Variants in FRYL observed in about 807,000 individuals in gnomAD.
FRYL encodes protein furry homolog-like.
In FRYL, 150 loss-of-function variants were observed where a neutral mutation model predicts 351.2. The observed-to-expected ratio is 0.43, with a 90% confidence interval of 0.37 to 0.49. The LOEUF is 0.49. Ranked by LOEUF, FRYL falls within the 20% of genes least tolerant of loss-of-function variation. FRYL has a pLI of 0.00. For missense variants in FRYL, 3,036 were observed against 3,619.3 expected, an observed-to-expected ratio of 0.84 and a Z score of 4.13; for synonymous variants, 1,153 against 1,257.1, an observed-to-expected ratio of 0.92 and a Z score of 1.75.
At chr4:48,519,982 C>T (rs1165829921) in intron 55 of FRYL, among the ~76,000 whole-genome samples, 5 of 152,172 alleles carry the variant, frequency 3.3e-5, no homozygotes, top group African/African-American at 7.2e-5. Context: ...CTGCCCACCT[C>T]GGCCTCCCAA....
intron 43 of FRYL, among the ~76,000 whole-genome samples, chr4:48,544,315 A>G (rs1730874267): frequency 6.6e-6 from 1 of 152,138 alleles, no homozygotes; most frequent in Admixed American, 6.6e-5. Context: ...CCCACCAGAT[A>G]CCAGTAGTAA....
chr4:48,553,938 C>G (rs1230016313), intron 35 of FRYL, among the ~76,000 whole-genome samples: 5 of 152,296 alleles, frequency 3.3e-5, no homozygotes, highest in South Asian at 4.1e-4. Flanking sequence ...TCTCAGTTTT[C>G]TCATCTGCAA....
chr4:48,742,795 G>A (rs551426877), intron 1 of FRYL, among the ~76,000 whole-genome samples: 2 of 151,934 alleles, frequency 1.3e-5, no homozygotes, highest in African/African-American at 4.8e-5. Context: ...CCCTTTTGGA[G>A]GGTAATCTGA....
At chr4:48,606,276 G>C (rs1365564700) in intron 10 of FRYL, among the ~76,000 whole-genome samples, 162 bp downstream of exon 10, 2 of 141,770 alleles carry the variant, frequency 1.4e-5, no homozygotes, top group Non-Finnish European at 3.1e-5. Context: ...CTGTCTCAAG[G>C]AAAAAAAAAA....
In FRYL at chr4:48,634,424, T is replaced by C. The variant is rs1753831575; in HGVS notation, c.-14A>G. The C allele has an allele frequency of 6.2e-7, 1 of 1,613,154 alleles. No homozygotes were observed. Among genetic ancestry groups the C allele is most frequent in the South Asian group, 1.1e-5 (1 of 91,070 alleles). On this transcript the variant is annotated 5_prime_UTR_variant, in exon 4 of 64. Transcript: ENST00000358350. ...AATGTTTGACATGATGATATTTTTT[T>C]TTCCCCAAGTGGAATGAAAGTTGGA...
At chr4:48,587,551 T>C (rs1436212206) in intron 18 of FRYL, among the ~76,000 whole-genome samples, 1 of 149,048 alleles carries the variant, frequency 6.7e-6, no homozygotes, top group Admixed American at 6.7e-5. Flanking sequence ...TTATTTTTTA[T>C]TTTTTTTTTG....
rs10625965 is a variant in FRYL at position 48,507,703 on chromosome 4, A to AAGATAGAT, written c.8395-2096_8395-2089dup. On this transcript the variant is annotated intron_variant, in intron 59 of 63. Coordinates refer to ENST00000358350, the MANE Select transcript of FRYL (RefSeq NM_015030.2). Reference sequence around the variant, plus strand: ...CACTGGGCTGGGAAAACAGTTTTCAAAGATAGATAGATGATAGATAGATAG... The same window carrying AAGATAGAT: ...CACTGGGCTGGGAAAACAGTTTTCAAAGATAGATAGATAGATAGATGATAGATAGATAG... Among the ~76,000 whole-genome samples, 856 of 151,770 alleles carry AAGATAGAT rather than the reference A, an allele frequency of 5.6e-3. 4 individuals are homozygous for AAGATAGAT. Among genetic ancestry groups the AAGATAGAT allele is most frequent in the African/African-American group, 0.017 (702 of 41,330 alleles).
At chr4:48,740,675 A>G (rs186827329) in intron 1 of FRYL, among the ~76,000 whole-genome samples, 8 of 152,244 alleles carry the variant, frequency 5.3e-5, no homozygotes, top group Admixed American at 5.2e-4. Context: ...GATGCTCCAT[A>G]TCAGACACTA....
intron 2 of FRYL, among the ~76,000 whole-genome samples, chr4:48,701,296 G>A (rs1267634612): frequency 6.6e-6 from 1 of 152,130 alleles, no homozygotes; most frequent in Non-Finnish European, 1.5e-5. Context: ...ATTAATATCT[G>A]TAAAGTCATA....
At chr4:48,627,194 T>A (rs1225043840) in intron 4 of FRYL, among the ~76,000 whole-genome samples, 2 of 152,164 alleles carry the variant, frequency 1.3e-5, no homozygotes, top group East Asian at 3.8e-4. Flanking sequence ...TTAGCTTTTT[T>A]AAAAATGGAT....
chr4:48,644,796 T>A (rs1374706413), intron 3 of FRYL, among the ~76,000 whole-genome samples: 2 of 151,996 alleles, frequency 1.3e-5, no homozygotes, highest in South Asian at 2.1e-4. Context: ...TGAAAAGACC[T>A]GTAGCCTAGA....
chr4:48,507,775 G>T (rs1721569640), intron 59 of FRYL, among the ~76,000 whole-genome samples: 1 of 152,102 alleles, frequency 6.6e-6, no homozygotes, highest in Admixed American at 6.5e-5. Flanking sequence ...GGAGAAAAGA[G>T]AACTGCAGAG....
chr4:48,612,745 ATTT>A (rs34297450), intron 7 of FRYL, among the ~76,000 whole-genome samples: 11 of 139,354 alleles, frequency 7.9e-5, no homozygotes, highest in East Asian at 2.1e-4. Context: ...TGCCTGGCTA[ATTT>A]TTTTTTTTTT....
chr4:48,650,888 A>G (rs1359520426), intron 3 of FRYL, among the ~76,000 whole-genome samples: 1 of 152,148 alleles, frequency 6.6e-6, no homozygotes, highest in East Asian at 1.9e-4. Flanking sequence ...AAATTTGAGT[A>G]GGCAGAATGG....
intron 23 of FRYL, among the ~76,000 whole-genome samples, chr4:48,576,533 T>C (rs1739650906): frequency 6.6e-6 from 1 of 152,144 alleles, no homozygotes; most frequent in Admixed American, 6.5e-5. Flanking sequence ...CTCTAACTCC[T>C]GAGCTCAGAT....
chr4:48,582,789 C>T, intron 19 of FRYL, 55 bp from the exon 20 acceptor site: 1 of 1,154,716 alleles, frequency 8.7e-7, no homozygotes, highest in South Asian at 1.3e-5. Context: ...TTAGTTTTAT[C>T]ATCTGAAACT....
intron 1 of FRYL, among the ~76,000 whole-genome samples, chr4:48,754,123 T>A: frequency 6.6e-6 from 1 of 152,222 alleles, no homozygotes; most frequent in Non-Finnish European, 1.5e-5. Context: ...CCTCTATCTC[T>A]TTCCAAAACA....
chr4:48,743,877 G>C (rs1772386682), intron 1 of FRYL, among the ~76,000 whole-genome samples: 1 of 152,106 alleles, frequency 6.6e-6, no homozygotes, highest in South Asian at 2.1e-4. Flanking sequence ...TTTTTGACTT[G>C]TCAAGCCTCC....
At position 48,567,991 on chromosome 4, in the gene FRYL, C is replaced by T. The variant is rs1035657285; in HGVS notation, c.2997-571G>A. 3.9e-5 allele frequency among the ~76,000 whole-genome samples: 6 copies of T among 152,174 alleles called. No individual in the cohort carries two copies. Among genetic ancestry groups the T allele is most frequent in the African/African-American group, 7.2e-5 (3 of 41,442 alleles). On this transcript the variant is annotated intron_variant, in intron 27 of 63. Transcript: ENST00000358350. This position sits in a 1 kb window ranked among gnomAD's most constrained non-coding sequence, Gnocchi z 4.2. ...TTAAGAATATCTGCAATGTGCTGGG[C>T]GCGGTGGCTCACACCTGTAATGCCA... is the stretch of plus-strand genomic sequence containing the variant.
Sources: gnomAD v4.1 joint callset for allele counts (sites outside exome capture counted in the v4.1 genomes callset) on GRCh38, gnomAD v4.1.1 for gene constraint, Gnocchi (gnomAD v3.1) non-coding constraint, MANE v1.5 for transcripts, NCBI Gene and HGNC (gene_info 2026-07-23, HGNC 2026-07-21) for gene names.